The following FRMPD4 variants were observed in gnomAD, a reference collection of about 807,000 sequenced individuals.
The protein encoded by FRMPD4 is FERM and PDZ domain containing 4.
FRMPD4 carries 22 observed loss-of-function variants against 94.1 expected under a neutral mutation model. The observed-to-expected ratio is 0.23, with a 90% confidence interval of 0.17 to 0.33. The LOEUF is 0.33. FRMPD4 is among the 10% of genes least tolerant of loss of function. The pLI, the probability that FRMPD4 is intolerant of heterozygous loss-of-function variation, is 1.00. For synonymous variants in FRMPD4, 631 were observed against 548.6 expected (o/e 1.15, Z -2.10); for missense variants, 1,111 against 1,339.9 (o/e 0.83, Z 2.67).
intron 1 of FRMPD4, among the ~76,000 whole-genome samples, chrX:12,254,483 T>C (rs1467833285): frequency 1.8e-5 from 2 of 111,921 alleles, no homozygotes; most frequent in Non-Finnish European, 3.8e-5. Flanking sequence ...GAAGAGGGCC[T>C]ACAGCCCTCC....
intron 1 of FRMPD4, among the ~76,000 whole-genome samples, chrX:12,168,538 T>C (rs143576627): frequency 1.2e-3 from 137 of 110,814 alleles, no homozygotes; most frequent in African/African-American, 4.4e-3. Flanking sequence ...GGAAACATTT[T>C]ATTAGATAAT....
chrX:12,398,030 G>T (rs2056565486), intron 1 of FRMPD4, among the ~76,000 whole-genome samples: 1 of 110,999 alleles, frequency 9.0e-6, no homozygotes, highest in Non-Finnish European at 1.9e-5. Context: ...TATCACTGGG[G>T]GTCCTTTCTC....
At chrX:12,652,101 A>C (rs764188913) in intron 4 of FRMPD4, among the ~76,000 whole-genome samples, 11 of 112,685 alleles carry the variant, frequency 9.8e-5, no homozygotes, top group Non-Finnish European at 1.9e-4. Context: ...GGTCTTTCTT[A>C]ATTGCCCCAG....
At chrX:12,403,667 A>T (rs913880333) in intron 1 of FRMPD4, among the ~76,000 whole-genome samples, 1 of 111,524 alleles carries the variant, frequency 9.0e-6, no homozygotes, top group African/African-American at 3.3e-5. Context: ...GGTTCTCAGT[A>T]AATACCTGTT....
At chrX:12,328,076 G>A (rs1222800584) in intron 1 of FRMPD4, among the ~76,000 whole-genome samples, 1 of 110,919 alleles carries the variant, frequency 9.0e-6, no homozygotes, top group Non-Finnish European at 1.9e-5. Flanking sequence ...ATATTTTTGA[G>A]GGCCATCATT....
intron 1 of FRMPD4, among the ~76,000 whole-genome samples, chrX:12,444,965 A>T (rs1159011457): frequency 8.9e-6 from 1 of 112,131 alleles, no homozygotes; most frequent in Non-Finnish European, 1.9e-5. Flanking sequence ...ACAAGCAACC[A>T]TCCTGACCTG....
intron 1 of FRMPD4, among the ~76,000 whole-genome samples, chrX:12,458,560 A>G (rs962689544): frequency 2.7e-5 from 3 of 112,086 alleles, no homozygotes; most frequent in Admixed American, 9.5e-5. Context: ...ATGGCTGACT[A>G]GAGCTGTTGG....
At chrX:12,144,175 AC>A (rs1281669105) in intron 1 of FRMPD4, among the ~76,000 whole-genome samples, 1 of 112,223 alleles carries the variant, frequency 8.9e-6, no homozygotes, top group Non-Finnish European at 1.9e-5. Context: ...TGGAAATAAA[AC>A]CAGATAAGTG....
intron 2 of FRMPD4, among the ~76,000 whole-genome samples, chrX:12,535,805 C>A (rs1279720766): frequency 9.0e-6 from 1 of 111,273 alleles, no homozygotes; most frequent in East Asian, 2.8e-4. Context: ...TACCATACAG[C>A]CCACAAAGCC....
intron 1 of FRMPD4, among the ~76,000 whole-genome samples, chrX:12,181,917 G>A (rs1438488881): frequency 4.5e-5 from 5 of 111,304 alleles, no homozygotes; most frequent in Non-Finnish European, 9.4e-5. Flanking sequence ...CAGCTTTAAG[G>A]CTTTTGTTTT....
chrX:12,320,351 G>A (rs995261746), intron 1 of FRMPD4, among the ~76,000 whole-genome samples: 1 of 110,898 alleles, frequency 9.0e-6, no homozygotes, highest in African/African-American at 3.3e-5. Context: ...TTGAAAACTG[G>A]AACTCCCCAG....
intron 1 of FRMPD4, among the ~76,000 whole-genome samples, chrX:12,306,856 T>C (rs929329695): frequency 7.1e-5 from 8 of 112,315 alleles, no homozygotes; most frequent in Non-Finnish European, 1.1e-4. Context: ...ATGGGAGATA[T>C]GATGCTTTCT....
In FRMPD4 at chrX:11,856,222, G is replaced by A. The variant is rs183719546; in HGVS notation, c.-160-8864G>A. On this transcript the variant is annotated intron_variant, in intron 1 of 18. Coordinates refer to the FRMPD4 transcript ENST00000640291. ...CCAACTGATCCCTCCCACAACATGT[G>A]GGGATTATGGGAACTACAATTCAAG... is the stretch of plus-strand genomic sequence containing the variant. 4.5e-5 allele frequency among the ~76,000 whole-genome samples: 5 copies of A among 111,570 alleles called. No homozygotes were observed. In the East Asian group the frequency reaches 1.4e-3, roughly 31 times the overall value.
At chrX:11,967,708 C>T (rs985310035) in intron 3 of FRMPD4, among the ~76,000 whole-genome samples, 4 of 103,486 alleles carry the variant, frequency 3.9e-5, no homozygotes, top group East Asian at 3.1e-4. Flanking sequence ...CGGGAATACA[C>T]GGAGAAGAGG....
chrX:12,582,281 G>T (rs1035668210), intron 2 of FRMPD4, among the ~76,000 whole-genome samples: 2 of 112,192 alleles, frequency 1.8e-5, no homozygotes, highest in South Asian at 3.7e-4. Flanking sequence ...GACAGAAAAT[G>T]TAAGTAATAA....
chrX:12,536,038 G>A (rs1464328292), intron 2 of FRMPD4, among the ~76,000 whole-genome samples: 2 of 100,242 alleles, frequency 2.0e-5, no homozygotes, highest in Admixed American at 2.3e-4. Flanking sequence ...CTTTGAACTA[G>A]AGAGGAGCCT....
At chrX:11,958,725 T>G (rs1257305037) in intron 3 of FRMPD4, among the ~76,000 whole-genome samples, 1 of 112,192 alleles carries the variant, frequency 8.9e-6, no homozygotes, top group Non-Finnish European at 1.9e-5. Flanking sequence ...AGTGACTTGT[T>G]GGATGGTGAT....
chrX:12,609,266 A>G (rs1461554227), intron 2 of FRMPD4, among the ~76,000 whole-genome samples: 1 of 111,454 alleles, frequency 9.0e-6, no homozygotes, highest in Non-Finnish European at 1.9e-5. Flanking sequence ...AAGAAAATCT[A>G]TGTATAAGTG....
At chrX:12,512,379 A>G (rs1198406304) in intron 2 of FRMPD4, among the ~76,000 whole-genome samples, 2 of 111,397 alleles carry the variant, frequency 1.8e-5, no homozygotes, top group African/African-American at 6.5e-5. Flanking sequence ...CTCCCCCCAC[A>G]ACCCCCAACT....
Sources: gnomAD v4.1 joint callset for allele counts (sites outside exome capture counted in the v4.1 genomes callset) on GRCh38, gnomAD v4.1.1 for gene constraint, MANE v1.5 for transcripts, NCBI Gene and HGNC (gene_info 2026-07-23, HGNC 2026-07-21) for gene names.